ST6GALNAC3: variants seen among roughly 807,000 people sequenced by gnomAD.
ST6GALNAC3 encodes the protein alpha-N-acetylgalactosaminide alpha-2,6-sialyltransferase 3.
ST6GALNAC3 carries 25 observed loss-of-function variants against 32.7 expected under a neutral mutation model. That is an observed-to-expected ratio of 0.76 (90% CI 0.56 to 1.07). The LOEUF is 1.07. Ranked by LOEUF, ST6GALNAC3 falls within the 50% of genes least tolerant of loss-of-function variation. The pLI is 0.00. For synonymous variants in ST6GALNAC3, 129 were observed against 133.1 expected (o/e 0.97, Z 0.21); for missense variants, 355 against 382.4 (o/e 0.93, Z 0.60).
chr1:76,132,179 C>T (rs1478172437), intron 1 of ST6GALNAC3, among the ~76,000 whole-genome samples: 4 of 152,174 alleles, frequency 2.6e-5, no homozygotes, highest in East Asian at 1.9e-4. Flanking sequence ...ACTGTGGGAG[C>T]GTGGAGCCTT....
intron 3 of ST6GALNAC3, among the ~76,000 whole-genome samples, chr1:76,478,760 C>CTTTTTTTTTTTTTTT (rs397861238): frequency 9.2e-6 from 1 of 109,052 alleles, no homozygotes; most frequent in Non-Finnish European, 1.8e-5. Context: ...TTTATTAATT[C>CTTTTTTTTTTTTTTT]TTTTTTTTTT....
chr1:76,195,400 T>A (rs1447913537), intron 1 of ST6GALNAC3, among the ~76,000 whole-genome samples: 4 of 152,222 alleles, frequency 2.6e-5, no homozygotes, highest in Non-Finnish European at 5.9e-5. Context: ...TTATACATTT[T>A]CCCATTTCAT....
chr1:76,580,212 T>C (rs1646872776), intron 3 of ST6GALNAC3, among the ~76,000 whole-genome samples: 1 of 152,134 alleles, frequency 6.6e-6, no homozygotes, highest in South Asian at 2.1e-4. Flanking sequence ...ATTTACATCA[T>C]CCCTGTTGAT....
chr1:76,527,096 G>A (rs1372183721), intron 3 of ST6GALNAC3, among the ~76,000 whole-genome samples: 2 of 152,084 alleles, frequency 1.3e-5, no homozygotes, highest in Non-Finnish European at 2.9e-5. Context: ...ATTTGTAGGG[G>A]AGATTAGCTT....
At chr1:76,309,161 C>T (rs1646704638) in intron 1 of ST6GALNAC3, among the ~76,000 whole-genome samples, 1 of 152,114 alleles carries the variant, frequency 6.6e-6, no homozygotes, top group Admixed American at 6.5e-5. Flanking sequence ...CCTGTGTATA[C>T]CCACATTAGC....
chr1:76,269,972 T>A (rs902105161), intron 1 of ST6GALNAC3, among the ~76,000 whole-genome samples: 9 of 152,144 alleles, frequency 5.9e-5, no homozygotes, highest in Non-Finnish European at 1.2e-4. Flanking sequence ...GAAGTTAGAA[T>A]CATCTCTGTG....
intron 1 of ST6GALNAC3, among the ~76,000 whole-genome samples, chr1:76,099,894 A>G (rs1647189950): frequency 6.6e-6 from 1 of 152,202 alleles, no homozygotes; most frequent in Admixed American, 6.5e-5. Flanking sequence ...GGAATATGTT[A>G]TATAGCTCCA....
intron 1 of ST6GALNAC3, among the ~76,000 whole-genome samples, chr1:76,181,322 C>G (rs1339304491): frequency 6.6e-6 from 1 of 152,182 alleles, no homozygotes; most frequent in Non-Finnish European, 1.5e-5. Flanking sequence ...TCCTGTGTGA[C>G]TTTTCTAGAA....
chr1:76,178,146 C>T (rs1047845243), intron 1 of ST6GALNAC3, among the ~76,000 whole-genome samples: 1 of 152,152 alleles, frequency 6.6e-6, no homozygotes, highest in African/African-American at 2.4e-5. Context: ...TGCCTCAGGA[C>T]ACAAACACAG....
intron 3 of ST6GALNAC3, among the ~76,000 whole-genome samples, chr1:76,602,581 T>TA (rs924406545): frequency 7.3e-5 from 11 of 151,306 alleles, no homozygotes; most frequent in South Asian, 6.3e-4. Flanking sequence ...ATATGCTCGT[T>TA]AAAAAAAAAT....
intron 2 of ST6GALNAC3, among the ~76,000 whole-genome samples, chr1:76,335,430 AACACACAC>A (rs60059592): frequency 2.8e-5 from 4 of 145,378 alleles, no homozygotes; most frequent in Middle Eastern, 3.6e-3. Flanking sequence ...CATCACAGGG[AACACACAC>A]ACACACACAC....
chr1:76,314,241 T>C (rs1646824826), intron 2 of ST6GALNAC3, among the ~76,000 whole-genome samples: 1 of 152,110 alleles, frequency 6.6e-6, no homozygotes, highest in African/African-American at 2.4e-5. Flanking sequence ...AAGGAAGCAA[T>C]TACTTGTTTT....
intron 3 of ST6GALNAC3, among the ~76,000 whole-genome samples, chr1:76,536,064 A>G (rs766114444): frequency 6.6e-5 from 10 of 152,190 alleles, no homozygotes; most frequent in Non-Finnish European, 1.0e-4. Flanking sequence ...TGTTAAGATA[A>G]AATAAGATAG....
rs182437275 is a variant in ST6GALNAC3, at chr1:76,248,109, C to T, written c.19-65696C>T. On this transcript the variant is annotated intron_variant, in intron 1 of 4. Coordinates refer to ENST00000328299, the MANE Select transcript of ST6GALNAC3 (RefSeq NM_152996.4). Reference sequence around the variant, plus strand: ...TTTCCTGGGTGAAGTGAAGCCCCACCCTGCTTCTGCTCACTCTCTGTGGGT... The same window carrying T: ...TTTCCTGGGTGAAGTGAAGCCCCACTCTGCTTCTGCTCACTCTCTGTGGGT... 1.8e-4 allele frequency among the ~76,000 whole-genome samples: 27 copies of T among 152,196 alleles called. No individual in the cohort carries two copies. The East Asian group carries it at 5.0e-3, about 28-fold the overall frequency.
Position 76,630,027 on chromosome 1 carries a change from A to T in ST6GALNAC3, c.*1221A>T, listed in dbSNP as rs1649210543. 1.0e-6 allele frequency: 1 copy of T among 985,098 alleles called. No homozygotes were observed. Among genetic ancestry groups the T allele is most frequent in the African/African-American group, 1.7e-5 (1 of 57,186 alleles). 61.0% of individuals were successfully genotyped at this position (985,098 alleles called of 1,614,324 possible). ...ATGTCCAAAGTGCTTTGTCATTTAG[A>T]GTCCTTTAACATCTGTTATACCATG... On this transcript the variant is annotated 3_prime_UTR_variant, in exon 5 of 5. Transcript: ENST00000328299.
chr1:76,392,126 A>T (rs181118537), intron 2 of ST6GALNAC3, among the ~76,000 whole-genome samples: 81 of 152,122 alleles, frequency 5.3e-4, no homozygotes, highest in Non-Finnish European at 2.1e-4. Flanking sequence ...AGTATCCCCC[A>T]ATTGTAACAA....
rs148259696 is a variant in ST6GALNAC3 at position 76,129,046 on chromosome 1, C to G, written c.18+54162C>G. ...TTGCTCTTGCTGTTTCCCCAAACCT[C>G]TCTGCCCTGATCATCCAATCGAGGC... On this transcript the variant is annotated intron_variant, in intron 1 of 4. Coordinates refer to ENST00000328299, the MANE Select transcript of ST6GALNAC3 (RefSeq NM_152996.4). 6.6e-3 allele frequency among the ~76,000 whole-genome samples: 1,000 copies of G among 152,322 alleles called. 21 individuals carry two copies. Among genetic ancestry groups the G allele is most frequent in the African/African-American group, 0.023 (952 of 41,578 alleles).
At chr1:76,226,932 C>T (rs115249105) in intron 1 of ST6GALNAC3, among the ~76,000 whole-genome samples, 3,841 of 152,214 alleles carry the variant, frequency 0.025, 74 homozygotes, top group Non-Finnish European at 0.038. Flanking sequence ...CAACTGGAAA[C>T]ATGAGAGAGT....
intron 3 of ST6GALNAC3, among the ~76,000 whole-genome samples, chr1:76,612,226 G>T (rs1647984239): frequency 6.6e-6 from 1 of 152,178 alleles, no homozygotes; most frequent in African/African-American, 2.4e-5. Context: ...GTTATCGTGA[G>T]CCAGGTCACC....
Sources: allele counts gnomAD v4.1 joint callset (sites outside exome capture counted in the v4.1 genomes callset), GRCh38; gene constraint gnomAD v4.1.1; transcripts MANE v1.5; gene names NCBI Gene and HGNC (gene_info 2026-07-23, HGNC 2026-07-21).